Variants in PDE4C observed in about 807,000 individuals in gnomAD.
PDE4C encodes 3',5'-cyclic-AMP phosphodiesterase 4C.
PDE4C carries 50 observed loss-of-function variants against 63.9 expected under a neutral mutation model. The ratio of observed to expected loss-of-function variants is 0.78; its 90% CI spans 0.62 to 0.99. The LOEUF is 0.99. Ranked by LOEUF, PDE4C falls within the 50% of genes least tolerant of loss-of-function variation. The probability of loss-of-function intolerance (pLI) is 0.00; values close to 1 mark genes in which losing one functional copy is unlikely to be tolerated. For missense variants in PDE4C, 777 were observed against 899.1 expected (o/e 0.86, Z 1.74); for synonymous variants, 377 against 385.1 (o/e 0.98, Z 0.25).
chr19:18,218,314 C>G lies in PDE4C; in HGVS notation c.1134+20G>C, dbSNP rs200058341. 355 of 1,613,760 alleles carry G rather than the reference C, an allele frequency of 2.2e-4. 3 individuals carry two copies. In the South Asian group the frequency reaches 3.8e-3, roughly 17 times the overall value. On this transcript the variant is annotated intron_variant, in intron 10 of 14. Transcript: ENST00000262805. ...CTGGGCCCTGCACCCGCCCACCTGC[C>G]TGCAGTCATGGCGCAGTACCTCGAG... is the stretch of plus-strand genomic sequence containing the variant.
At chr19:18,208,480 CA>C (rs1967784993), downstream of PDE4C, 1 of 151,250 alleles carries the variant, frequency 6.6e-6, no homozygotes, top group Non-Finnish European at 1.5e-5. Flanking sequence ...ACCCACCCCC[CA>C]ACCCCCGACA....
intron 2 of PDE4C, 42 bp downstream of exon 2, chr19:18,222,089 AG>A (rs1240462952): frequency 4.0e-6 from 6 of 1,517,768 alleles, no homozygotes; most frequent in Non-Finnish European, 5.4e-6. Context: ...CAAAGGAAGG[AG>A]GGAGGGTAGA....
At chr19:18,216,481 G>T (rs1231474915) in intron 12 of PDE4C, among the ~76,000 whole-genome samples, 1 of 150,212 alleles carries the variant, frequency 6.7e-6, no homozygotes, top group African/African-American at 2.5e-5. Flanking sequence ...CACCATGTTG[G>T]TCAGGCTGGT....
exon 15 of PDE4C, chr19:18,210,778 G>C: frequency 1.5e-6 from 2 of 1,361,940 alleles, no homozygotes; most frequent in Non-Finnish European, 1.9e-6. Context: ...TTAGACCCTG[G>C]GAGCCACCTA....
At chr19:18,254,774 T>C in the PDE4C span, among the ~76,000 whole-genome samples, 1 of 152,244 alleles carries the variant, frequency 6.6e-6, no homozygotes, top group East Asian at 1.9e-4. Context: ...CACTGTCTTA[T>C]AGGAGAGCAA....
intron 2 of PDE4C, 120 bp from the exon 3 acceptor site, chr19:18,221,417 G>T: frequency 1.0e-6 from 1 of 972,446 alleles, no homozygotes; most frequent in East Asian, 2.8e-5. Context: ...CTCCTTCTTA[G>T]TCCCTGGGGT....
intron 2 of PDE4C, 60 bp from the exon 3 acceptor site, chr19:18,221,357 C>T: frequency 6.7e-7 from 1 of 1,499,838 alleles, no homozygotes. Flanking sequence ...TTTACCCACA[C>T]CATATGCCCT....
chr19:18,242,328 T>C (rs1969055349), intron 1 of PDE4C, among the ~76,000 whole-genome samples: 1 of 149,974 alleles, frequency 6.7e-6, no homozygotes, highest in African/African-American at 2.5e-5. Flanking sequence ...ATACAAAAAT[T>C]ACCTGGGTGT....
At chr19:18,215,198 G>A (rs572992063) in intron 12 of PDE4C, among the ~76,000 whole-genome samples, 9 of 152,152 alleles carry the variant, frequency 5.9e-5, no homozygotes, top group East Asian at 3.9e-4. Flanking sequence ...CCCTCCTCAC[G>A]TGGGGTTCCC....
Position 18,212,952 on chromosome 19 carries a change from CTGGG to C in PDE4C, c.1512+412_1512+415del, listed in dbSNP as rs1402329027. Among the ~76,000 whole-genome samples the C allele has an allele frequency of 5.6e-3, 816 of 145,850 alleles. 7 individuals are homozygous for C. Among genetic ancestry groups the C allele is most frequent in the African/African-American group, 0.019 (774 of 40,228 alleles). ...CTGCCTGCCTCGGCCTCCCAAAGTG[CTGGG>C]ATTATAGGCGTGAGCCACTGCGCCC... On this transcript the variant is annotated intron_variant, in intron 13 of 14. Coordinates refer to ENST00000262805, the Ensembl canonical transcript of PDE4C.
At chr19:18,212,758 G>A (rs1322883891) in intron 13 of PDE4C, among the ~76,000 whole-genome samples, 2 of 151,410 alleles carry the variant, frequency 1.3e-5, no homozygotes, top group Non-Finnish European at 2.9e-5. Flanking sequence ...GGGTGATTTC[G>A]GCTCACTGCA....
chr19:18,224,286 C>T (rs1198662651), intron 1 of PDE4C: 1 of 985,402 alleles, frequency 1.0e-6, no homozygotes, highest in African/African-American at 1.7e-5. Flanking sequence ...GACAGGAAGA[C>T]AACCGGGACC....
intron 2 of PDE4C, 25 bp downstream of exon 2, chr19:18,222,107 G>A (rs115826530): frequency 0.02 from 31,364 of 1,582,740 alleles, 634 homozygotes; most frequent in African/African-American, 0.1. Flanking sequence ...TAGAGGCGGT[G>A]TCATCCCACC....
At chr19:18,246,412 G>A (rs1169830863) in intron 1 of PDE4C, among the ~76,000 whole-genome samples, 2 of 150,704 alleles carry the variant, frequency 1.3e-5, no homozygotes, top group African/African-American at 2.4e-5. Context: ...TGAACTCCTC[G>A]GCTCAAGCGA....
intron 12 of PDE4C, among the ~76,000 whole-genome samples, chr19:18,214,262 A>T (rs1206719285): frequency 6.6e-6 from 1 of 151,922 alleles, no homozygotes; most frequent in Non-Finnish European, 1.5e-5. Context: ...AAAAAAAAAA[A>T]AAAATAACCC....
At chr19:18,223,242 C>T (rs542780248) in intron 1 of PDE4C, among the ~76,000 whole-genome samples, 1 of 141,152 alleles carries the variant, frequency 7.1e-6, no homozygotes, top group East Asian at 2.0e-4. Flanking sequence ...CAGAGTTTCA[C>T]TCTTGTTGCC....
At chr19:18,211,257 A>G (rs1967925703) in exon 15 of PDE4C, 1 of 1,589,496 alleles carries the variant, frequency 6.3e-7, no homozygotes, top group Non-Finnish European at 8.6e-7. Flanking sequence ...TGGGTGAGCA[A>G]TGTAGTCAAT....
At chr19:18,227,339 C>T (rs1404720391), upstream of PDE4C, among the ~76,000 whole-genome samples, 1 of 152,132 alleles carries the variant, frequency 6.6e-6, no homozygotes, top group Non-Finnish European at 1.5e-5. Context: ...CACGCAACTC[C>T]CCACGTGATC....
At chr19:18,214,239 A>C (rs1487408501) in intron 12 of PDE4C, among the ~76,000 whole-genome samples, 3 of 151,092 alleles carry the variant, frequency 2.0e-5, no homozygotes, top group South Asian at 4.2e-4. Flanking sequence ...CGACAGAGCA[A>C]GACTCCGTCT....
Sources: gnomAD v4.1 joint callset for allele counts (sites outside exome capture counted in the v4.1 genomes callset) on GRCh38, gnomAD v4.1.1 for gene constraint, MANE v1.5 for transcripts, NCBI Gene and HGNC (gene_info 2026-07-23, HGNC 2026-07-21) for gene names.